The following FYTTD1 variants were observed in gnomAD, a reference collection of about 807,000 sequenced individuals.
FYTTD1 encodes forty-two-three domain containing 1, also known as UAP56-interacting factor.
Under a neutral mutation model 40.9 loss-of-function variants are expected in FYTTD1, and 22 were observed. The observed-to-expected ratio is 0.54, with a 90% CI of 0.38 to 0.77. The LOEUF is 0.77. FYTTD1 is among the 30% of genes least tolerant of loss of function. The probability of loss-of-function intolerance (pLI) is 0.00; values close to 1 mark genes in which losing one functional copy is unlikely to be tolerated. For synonymous variants in FYTTD1, 140 were observed against 137.9 expected (o/e 1.01, Z -0.10); for missense variants, 351 against 392.2 (o/e 0.90, Z 0.89).
rs1247469158 is a variant in FYTTD1, at chr3:197,785,603, T to C, written c.*3694T>C. On this transcript the variant is annotated 3_prime_UTR_variant, in exon 9 of 9. Transcript: ENST00000241502. ...GCAGGCCTCATTGCTCAGCAGTGAG[T>C]TTTTATTAGACTAGGTATGTATATC... The C allele has an allele frequency of 1.3e-5, 2 of 149,672 alleles. No homozygotes were observed. The highest frequency in any genetic ancestry group is 3.9e-4 in the East Asian group (2 of 5,118). The allele number at this position is 149,672 out of a possible 1,614,324, so 9.3% of individuals were successfully genotyped here.
intron 1 of FYTTD1, 157 bp downstream of exon 1, chr3:197,750,231 G>C (rs1486992736): frequency 1.2e-6 from 1 of 821,904 alleles, no homozygotes; most frequent in East Asian, 3.4e-5. Flanking sequence ...ACAGCCGGGA[G>C]CGCAGGCTCG....
chr3:197,774,680 T>G (rs1452694024), intron 6 of FYTTD1, among the ~76,000 whole-genome samples: 10 of 114,844 alleles, frequency 8.7e-5, no homozygotes, highest in Admixed American at 9.4e-5. Flanking sequence ...GTGCATACCA[T>G]CCTGAGCAGC....
chr3:197,756,722 A>C (rs749939263), intron 2 of FYTTD1, among the ~76,000 whole-genome samples, 165 bp downstream of exon 2: 1 of 152,244 alleles, frequency 6.6e-6, no homozygotes, highest in Non-Finnish European at 1.5e-5. Flanking sequence ...TAAAAATTTC[A>C]GTAGCCTTCA....
At chr3:197,756,367 C>T (rs917470169) in intron 1 of FYTTD1, 59 bp from the exon 2 acceptor site, 19 of 1,308,208 alleles carry the variant, frequency 1.5e-5, no homozygotes, top group Middle Eastern at 1.8e-4. Context: ...AGCTAGAAAA[C>T]GAAACTGAGT....
At position 197,779,529 on chromosome 3, in the gene FYTTD1, C is replaced by CTTTT. The variant is rs57263354; in HGVS notation, c.858+1081_858+1084dup. On this transcript the variant is annotated intron_variant, in intron 8 of 8. Transcript: ENST00000241502. ...TATTGACTTTGTGGATTCCTTAGGA[C>CTTTT]TTTTTTTTTTTTTTTTTTTGTGAAA... Among the ~76,000 whole-genome samples, 497 of 118,366 alleles carry CTTTT rather than the reference C, an allele frequency of 4.2e-3. 15 individuals are homozygous for CTTTT. Among genetic ancestry groups the CTTTT allele is most frequent in the Non-Finnish European group, 5.2e-3 (311 of 60,188 alleles). 77.7% of individuals were successfully genotyped at this position (118,366 alleles called of 152,430 possible).
At chr3:197,750,743 A>G (rs1304470723) in intron 1 of FYTTD1, 20 of 985,524 alleles carry the variant, frequency 2.0e-5, no homozygotes, top group Non-Finnish European at 2.4e-5. Flanking sequence ...CTCCCTCTCC[A>G]GGCCTCAGAG....
intron 2 of FYTTD1, among the ~76,000 whole-genome samples, chr3:197,764,859 T>TG (rs1213084876): frequency 3.3e-5 from 5 of 150,532 alleles, no homozygotes; most frequent in African/African-American, 7.4e-5. Context: ...CTTTTTTTTT[T>TG]TGGGGGGGGA....
chr3:197,761,188 A>G (rs1729376558), intron 2 of FYTTD1, among the ~76,000 whole-genome samples: 2 of 151,222 alleles, frequency 1.3e-5, no homozygotes, highest in African/African-American at 4.9e-5. Context: ...TCTCAGTGGT[A>G]GAATGTATAG....
intron 1 of FYTTD1, chr3:197,750,845 G>C: frequency 1.0e-6 from 1 of 985,404 alleles, no homozygotes; most frequent in Non-Finnish European, 1.2e-6. Flanking sequence ...GTTCTTGAGC[G>C]CATCTGAGAG....
chr3:197,765,259 C>T (rs558841034), intron 2 of FYTTD1, among the ~76,000 whole-genome samples: 130 of 152,168 alleles, frequency 8.5e-4, no homozygotes, highest in African/African-American at 2.6e-3. Flanking sequence ...ATAATGGGTT[C>T]GTCCTCCTTT....
intron 1 of FYTTD1, among the ~76,000 whole-genome samples, chr3:197,753,802 C>G (rs1433603372): frequency 1.3e-5 from 2 of 152,110 alleles, no homozygotes; most frequent in Non-Finnish European, 2.9e-5. Flanking sequence ...GTCGCCCAGG[C>G]TGGAGTGCAG....
intron 6 of FYTTD1, among the ~76,000 whole-genome samples, chr3:197,776,105 A>C (rs1457293180): frequency 1.3e-5 from 2 of 152,160 alleles, no homozygotes; most frequent in Non-Finnish European, 1.5e-5. Context: ...ATTTTCAGTT[A>C]CAAAGGCCTG....
chr3:197,774,147 A>C lies in FYTTD1; in HGVS notation c.595-2A>C. On this transcript the variant is annotated splice_acceptor_variant, in intron 5 of 8. Transcript: ENST00000241502. LOFTEE classifies it high-confidence loss of function. ...TACCTACTGCTTTTTTTTTCCCTTC[A>C]GGTGCAGGCCCAGTTGAATACAGAA... is the stretch of plus-strand genomic sequence containing the variant. The C allele has an allele frequency of 6.2e-7, 1 of 1,612,980 alleles. No homozygotes were observed. Among genetic ancestry groups the C allele is most frequent in the Non-Finnish European group, 8.5e-7 (1 of 1,179,244 alleles).
At chr3:197,773,278 CAG>C (rs1729769346) in intron 4 of FYTTD1, 123 bp from the exon 5 acceptor site, 4 of 611,194 alleles carry the variant, frequency 6.5e-6, no homozygotes, top group Admixed American at 3.0e-5. Context: ...GCAAATAATT[CAG>C]AGTTGTTTGT....
upstream of FYTTD1, chr3:197,749,668 TC>T: frequency 1.3e-6 from 1 of 745,678 alleles, no homozygotes; most frequent in Non-Finnish European, 2.1e-6. Context: ...CGGTCTAGCA[TC>T]CCCCAGTTTG....
chr3:197,782,577 C>T lies in FYTTD1; in HGVS notation c.*668C>T, dbSNP rs1348041879. The T allele has an allele frequency of 6.6e-6, 1 of 152,102 alleles. No individual in the cohort carries two copies. The highest frequency in any genetic ancestry group is 2.4e-5 in the African/African-American group (1 of 41,400). 9.4% of individuals were successfully genotyped at this position (152,102 alleles called of 1,614,324 possible). A position where few individuals can be genotyped will look rare whatever the true frequency, so the allele number is the denominator to read the frequency against. ...TTTAGAGACTGTAAATGCATATTCA[C>T]AAAGTTATCTGATAGGGCCTTGGAG... On this transcript the variant is annotated 3_prime_UTR_variant, in exon 9 of 9. Coordinates refer to ENST00000241502, the MANE Select transcript of FYTTD1 (RefSeq NM_032288.7).
chr3:197,778,796 T>C (rs1197391169), intron 8 of FYTTD1, among the ~76,000 whole-genome samples: 1 of 152,134 alleles, frequency 6.6e-6, no homozygotes, highest in Non-Finnish European at 1.5e-5. Context: ...ACTGGATGGG[T>C]ATTTGGGGTG....
At chr3:197,764,784 T>C (rs1236886849) in intron 2 of FYTTD1, among the ~76,000 whole-genome samples, 1 of 147,858 alleles carries the variant, frequency 6.8e-6, no homozygotes, top group Non-Finnish European at 1.5e-5. Context: ...TTGATAAGTA[T>C]GGGACCAATG....
intron 1 of FYTTD1, among the ~76,000 whole-genome samples, chr3:197,751,586 T>G (rs905079008): frequency 2.6e-5 from 4 of 152,112 alleles, no homozygotes; most frequent in Non-Finnish European, 4.4e-5. Context: ...GTGAGCCGAT[T>G]GCGCCACTGC....
Sources: gnomAD v4.1 joint callset for allele counts (sites outside exome capture counted in the v4.1 genomes callset) on GRCh38, gnomAD v4.1.1 for gene constraint, MANE v1.5 for transcripts, NCBI Gene and HGNC (gene_info 2026-07-23, HGNC 2026-07-21) for gene names.